EML6: variants seen among roughly 807,000 people sequenced by gnomAD.
EML6 encodes the protein EMAP like 6, also known as echinoderm microtubule-associated protein-like 6.
Under a neutral mutation model 240.1 loss-of-function variants are expected in EML6, and 154 were observed. That is an observed-to-expected ratio of 0.64 (90% CI 0.56 to 0.73). The LOEUF (loss-of-function observed/expected upper bound fraction) is 0.73. Among genes scored for constraint, EML6 ranks in the 30% least tolerant of loss-of-function variants. EML6 has a pLI of 0.00. For missense variants in EML6, 2,964 were observed against 2,474.6 expected (o/e 1.20, Z -4.20); for synonymous variants, 1,148 against 899.0 (o/e 1.28, Z -4.95).
intron 8 of EML6, among the ~76,000 whole-genome samples, chr2:54,844,913 A>G (rs1669667389): frequency 1.3e-5 from 2 of 152,336 alleles, no homozygotes; most frequent in African/African-American, 4.8e-5. Context: ...TTTGGGATGA[A>G]GAATGTTACC....
At chr2:54,802,665 A>G (rs1035234367) in intron 2 of EML6, among the ~76,000 whole-genome samples, 16 of 147,760 alleles carry the variant, frequency 1.1e-4, no homozygotes, top group South Asian at 8.5e-4. Flanking sequence ...TACTACTACT[A>G]CTGCTACTAC....
At chr2:54,846,511 C>A (rs1220835610) in intron 8 of EML6, among the ~76,000 whole-genome samples, 1 of 143,994 alleles carries the variant, frequency 6.9e-6, no homozygotes, top group Non-Finnish European at 1.5e-5. Flanking sequence ...TGAGACAGGG[C>A]CTTGCTCTGT....
rs181160913 is a variant in EML6 at position 54,867,025 on chromosome 2, T to G, written c.2051+141T>G. ...AGCTCTTCTCTGCAATGTGCACTTGTACCTGTGGTTGCTATTTTAAGTGTG... is the reference window on the plus strand; with the variant it reads ...AGCTCTTCTCTGCAATGTGCACTTGGACCTGTGGTTGCTATTTTAAGTGTG... On this transcript the variant is annotated intron_variant, in intron 14 of 41. Coordinates refer to ENST00000356458, the MANE Select transcript of EML6 (RefSeq NM_001039753.4). The G allele has an allele frequency of 2.4e-3, 1,246 of 527,614 alleles. 5 individuals are homozygous for G. Among genetic ancestry groups the G allele is most frequent in the Non-Finnish European group, 3.7e-3 (1,072 of 286,022 alleles). The allele number at this position is 527,614 out of a possible 1,614,324, so 32.7% of individuals were successfully genotyped here.
intron 11 of EML6, among the ~76,000 whole-genome samples, chr2:54,855,647 T>A (rs1331468420): frequency 6.6e-6 from 1 of 152,160 alleles, no homozygotes; most frequent in South Asian, 2.1e-4. Context: ...GACAGCCAGA[T>A]GACAGTATGG....
chr2:54,961,189 T>TTTTTTTTTTTGTTTTTTTTTTTTTG (rs1558729610), intron 35 of EML6, among the ~76,000 whole-genome samples: 1 of 108,076 alleles, frequency 9.3e-6, no homozygotes, highest in East Asian at 2.9e-4. Flanking sequence ...AAGTAGTTTT[T>TTTTTTTTTTTGTTTTTTTTTTTTTG]TTTTTTTTTT....
At chr2:54,811,540 G>A (rs1339426491) in intron 2 of EML6, among the ~76,000 whole-genome samples, 1 of 151,996 alleles carries the variant, frequency 6.6e-6, no homozygotes, top group African/African-American at 2.4e-5. Context: ...TTCTTTACAT[G>A]TCTCTTTCCT....
intron 31 of EML6, 55 bp downstream of exon 31, chr2:54,952,747 T>C: frequency 8.3e-7 from 1 of 1,204,980 alleles, no homozygotes; most frequent in Non-Finnish European, 1.2e-6. Context: ...CGCTGACCTG[T>C]CAGCAATTAT....
chr2:54,942,891 T>C (rs1000386628), intron 28 of EML6, among the ~76,000 whole-genome samples: 1 of 152,218 alleles, frequency 6.6e-6, no homozygotes, highest in Non-Finnish European at 1.5e-5. Flanking sequence ...CAGCCCTTCC[T>C]GGCCTCACTT....
chr2:54,850,906 A>G (rs1260517055), intron 10 of EML6, among the ~76,000 whole-genome samples: 1 of 152,268 alleles, frequency 6.6e-6, no homozygotes, highest in Admixed American at 6.5e-5. Flanking sequence ...CAGTAGGGAT[A>G]CATCTCAAAA....
chr2:54,852,282 T>C (rs1188838436), intron 10 of EML6, among the ~76,000 whole-genome samples: 4 of 152,232 alleles, frequency 2.6e-5, no homozygotes, highest in Admixed American at 1.3e-4. Context: ...TGTGTGATGC[T>C]AAAATAAATG....
intron 17 of EML6, among the ~76,000 whole-genome samples, chr2:54,887,955 C>G (rs1426413653): frequency 6.6e-6 from 1 of 152,202 alleles, no homozygotes; most frequent in African/African-American, 2.4e-5. Context: ...TTAGCATTCA[C>G]TTGTTTTGTA....
chr2:54,957,750 A>T, intron 32 of EML6, 40 bp from the exon 33 acceptor site: 3 of 1,539,310 alleles, frequency 1.9e-6, no homozygotes, highest in Non-Finnish European at 2.6e-6. Context: ...CTGGCCCATG[A>T]AGCAATGAGG....
intron 12 of EML6, among the ~76,000 whole-genome samples, chr2:54,862,849 T>G (rs1670755918): frequency 6.6e-6 from 1 of 152,142 alleles, no homozygotes; most frequent in South Asian, 2.1e-4. Context: ...AAGGTTTACG[T>G]GAAGAATTAA....
intron 2 of EML6, among the ~76,000 whole-genome samples, chr2:54,781,835 A>G (rs1668870373): frequency 6.6e-6 from 1 of 151,908 alleles, no homozygotes; most frequent in Non-Finnish European, 1.5e-5. Flanking sequence ...ACGTCCCACT[A>G]ATTTTTTTAT....
At chr2:54,797,164 C>CAAAAAAAAACAAAAAAAAAAAA (rs1669834106) in intron 2 of EML6, among the ~76,000 whole-genome samples, 1 of 43,818 alleles carries the variant, frequency 2.3e-5, no homozygotes. Flanking sequence ...GACTCCATCT[C>CAAAAAAAAACAAAAAAAAAAAA]AAAAAAAAAA....
At chr2:54,883,435 A>C (rs1314623517) in intron 17 of EML6, among the ~76,000 whole-genome samples, 1 of 152,224 alleles carries the variant, frequency 6.6e-6, no homozygotes, top group Non-Finnish European at 1.5e-5. Flanking sequence ...ACTGCCACAG[A>C]AAGGGAGAAC....
At position 54,933,621 on chromosome 2, in the gene EML6, C is replaced by G. The variant is rs550221001; in HGVS notation, c.4004+4870C>G. Among the ~76,000 whole-genome samples the G allele has an allele frequency of 5.9e-5, 9 of 152,144 alleles. No individual in the cohort carries two copies. In the South Asian group the frequency reaches 1.5e-3, roughly 25 times the overall value. Reference sequence around the variant, plus strand: ...TGGTGGCACACGCCTGTAATCTCAGCTACTCGGGAGGCTGAGGCACCAATC... The same window carrying G: ...TGGTGGCACACGCCTGTAATCTCAGGTACTCGGGAGGCTGAGGCACCAATC... On this transcript the variant is annotated intron_variant, in intron 28 of 41. Transcript: ENST00000356458.
At chr2:54,758,142 C>T (rs1294566760) in intron 2 of EML6, among the ~76,000 whole-genome samples, 2 of 152,092 alleles carry the variant, frequency 1.3e-5, no homozygotes, top group African/African-American at 2.4e-5. Context: ...GTGATATCTA[C>T]ACCTTCATCT....
chr2:54,729,819 C>A (rs535148552), intron 2 of EML6, among the ~76,000 whole-genome samples: 2 of 152,350 alleles, frequency 1.3e-5, no homozygotes, highest in African/African-American at 4.8e-5. Flanking sequence ...CATTAGAATT[C>A]TGCCTGGAAA....
Sources: allele counts gnomAD v4.1 joint callset (sites outside exome capture counted in the v4.1 genomes callset), GRCh38; gene constraint gnomAD v4.1.1; transcripts MANE v1.5; gene names NCBI Gene and HGNC (gene_info 2026-07-23, HGNC 2026-07-21).